EPS8: variants seen among roughly 807,000 people sequenced by gnomAD.
The protein encoded by EPS8 is EGFR pathway substrate 8, signaling adaptor.
A neutral mutation model predicts 103.8 loss-of-function variants in EPS8; 42 were observed. The observed-to-expected ratio is 0.40, with a 90% CI of 0.32 to 0.52. The LOEUF (loss-of-function observed/expected upper bound fraction) is 0.52. Among genes scored for constraint, EPS8 ranks in the 20% least tolerant of loss-of-function variants. The pLI is 0.40. For missense variants in EPS8, 969 were observed against 1,005.1 expected, an observed-to-expected ratio of 0.96 and a Z score of 0.49; for synonymous variants, 344 against 344.6, an observed-to-expected ratio of 1.00 and a Z score of 0.02.
chr12:15,666,992 C>G (rs936887211), intron 6 of EPS8, among the ~76,000 whole-genome samples: 4 of 152,112 alleles, frequency 2.6e-5, no homozygotes, highest in Admixed American at 2.0e-4. Context: ...TAGGTTTTAC[C>G]CCTTTGGGTA....
At chr12:15,676,170 G>A (rs1269572847) in intron 3 of EPS8, among the ~76,000 whole-genome samples, 1 of 150,992 alleles carries the variant, frequency 6.6e-6, no homozygotes, top group Non-Finnish European at 1.5e-5. Flanking sequence ...CTACTCAGGA[G>A]GCTGAGACAG....
At position 15,697,675 on chromosome 12, in the gene EPS8, A is replaced by C. The variant is rs1946260877; in HGVS notation, c.-21-14703T>G. 1.3e-5 allele frequency among the ~76,000 whole-genome samples: 2 copies of C among 152,222 alleles called. No individual in the cohort carries two copies. Among genetic ancestry groups the C allele is most frequent in the Non-Finnish European group, 2.9e-5 (2 of 68,030 alleles). ...AAATCACATGCTCACATGACCTCTA[A>C]AAAGAACTACATGGATTTTTTTCTT... On this transcript the variant is annotated intron_variant, in intron 1 of 20. Transcript: ENST00000281172. This position sits in a 1 kb window ranked among gnomAD's most constrained non-coding sequence, Gnocchi z 5.6.
At position 15,749,666 on chromosome 12, in the gene EPS8, C is replaced by A. The variant is rs1255234253; in HGVS notation, c.-22+39495G>T. Among the ~76,000 whole-genome samples, 1 of 152,082 alleles carries A rather than the reference C, an allele frequency of 6.6e-6. No individual in the cohort carries two copies. Among genetic ancestry groups the A allele is most frequent in the African/African-American group, 2.4e-5 (1 of 41,404 alleles). ...GGTAGTGGTAGGAAGAAAAATTAAC[C>A]TAATCAAAACAACATATATCATATT... On this transcript the variant is annotated intron_variant, in intron 1 of 20. Transcript: ENST00000281172. This position sits in a 1 kb window ranked among gnomAD's most constrained non-coding sequence, Gnocchi z 4.0.
At chr12:15,670,798 C>A (rs1232540649) in intron 4 of EPS8, 58 bp downstream of exon 4, 2 of 1,178,656 alleles carry the variant, frequency 1.7e-6, no homozygotes, top group Admixed American at 2.1e-5. Context: ...ATTTAACTTC[C>A]AATTTTTATG....
At chr12:15,788,250 T>C (rs917049096) in intron 1 of EPS8, among the ~76,000 whole-genome samples, 3 of 152,162 alleles carry the variant, frequency 2.0e-5, no homozygotes, top group Admixed American at 1.3e-4. Flanking sequence ...CAAGAAACCT[T>C]GAAAAGAGAA....
chr12:15,622,594 G>A (rs1229720515), intron 20 of EPS8, among the ~76,000 whole-genome samples: 1 of 152,092 alleles, frequency 6.6e-6, no homozygotes, highest in African/African-American at 2.4e-5. Flanking sequence ...GGAAGCTTAA[G>A]TATAAAGCAA....
At position 15,695,193 on chromosome 12, in the gene EPS8, T is replaced by C. The variant is rs1389812609; in HGVS notation, c.-21-12221A>G. On this transcript the variant is annotated intron_variant, in intron 1 of 20. Transcript: ENST00000281172. This position sits in a 1 kb window ranked among gnomAD's most constrained non-coding sequence, Gnocchi z 5.0. ...TTATATACTTTCCTTTTACTAATGA[T>C]AAATCCAGTATTTTGAAGTTGGCTG... Among the ~76,000 whole-genome samples, 1 of 152,244 alleles carries C rather than the reference T, an allele frequency of 6.6e-6. No individual in the cohort carries two copies. Among genetic ancestry groups the C allele is most frequent in the African/African-American group, 2.4e-5 (1 of 41,476 alleles).
rs1947321048 is a variant in EPS8 at position 15,787,282 on chromosome 12, T to C, written c.-22+1879A>G. Reference sequence around the variant, plus strand: ...AAAATAACTAGGATTTGGAATGTAATAAACACAAAGTAGAGAGTAGCAAGC... The same window carrying C: ...AAAATAACTAGGATTTGGAATGTAACAAACACAAAGTAGAGAGTAGCAAGC... On this transcript the variant is annotated intron_variant, in intron 1 of 20. Transcript: ENST00000281172. The surrounding 1 kb of genome is among the most constrained non-coding windows in gnomAD (Gnocchi z 4.9). Among the ~76,000 whole-genome samples, 1 of 152,018 alleles carries C rather than the reference T, an allele frequency of 6.6e-6. No homozygotes were observed. The highest frequency in any genetic ancestry group is 1.5e-5 in the Non-Finnish European group (1 of 67,964).
At position 15,624,223 on chromosome 12, in the gene EPS8, T is replaced by A; in HGVS notation, c.2225+4A>T. 1 of 1,611,866 alleles carries A rather than the reference T, an allele frequency of 6.2e-7. No individual in the cohort carries two copies. The highest frequency in any genetic ancestry group is 8.5e-7 in the Non-Finnish European group (1 of 1,178,768). ...AATTGCAAAGTATTCACAGAGAGAC[T>A]CACACAGGGTTGAATCCCTTTGACT... On this transcript the variant is annotated splice_donor_region_variant and intron_variant, in intron 19 of 20. Coordinates refer to ENST00000281172, the MANE Select transcript of EPS8 (RefSeq NM_004447.6).
rs916425701 is a variant in EPS8, at chr12:15,777,831, G to C, written c.-22+11330C>G. Among the ~76,000 whole-genome samples the C allele has an allele frequency of 6.6e-6, 1 of 152,198 alleles. No homozygotes were observed. Among genetic ancestry groups the C allele is most frequent in the East Asian group, 1.9e-4 (1 of 5,204 alleles). On this transcript the variant is annotated intron_variant, in intron 1 of 20. Transcript: ENST00000281172. The surrounding 1 kb of genome is among the most constrained non-coding windows in gnomAD (Gnocchi z 4.7). ...CCACATGGTTATTTATCTGCTTCAA[G>C]AGTTGTAAAAGACTATTTTCTTGAC... is the stretch of plus-strand genomic sequence containing the variant.
At position 15,713,650 on chromosome 12, in the gene EPS8, T is replaced by C. The variant is rs745490619; in HGVS notation, c.-21-30678A>G. On this transcript the variant is annotated intron_variant, in intron 1 of 20. Transcript: ENST00000281172. This position sits in a 1 kb window ranked among gnomAD's most constrained non-coding sequence, Gnocchi z 4.8. ...AACTCTAAAGCAGTCCTGATACTTA[T>C]GCAGGGACAGAAGGGGAGGCCCTGG... Among the ~76,000 whole-genome samples the C allele has an allele frequency of 5.3e-5, 8 of 152,198 alleles. No homozygotes were observed. Among genetic ancestry groups the C allele is most frequent in the Non-Finnish European group, 8.8e-5 (6 of 68,040 alleles).
At chr12:15,633,019 G>C (rs1172790306) in intron 17 of EPS8, among the ~76,000 whole-genome samples, 1 of 152,100 alleles carries the variant, frequency 6.6e-6, no homozygotes, top group Admixed American at 6.6e-5. Context: ...GGAAGAAGGA[G>C]GGCAAGGAGG....
Position 15,759,800 on chromosome 12 carries a change from A to G in EPS8, c.-22+29361T>C, listed in dbSNP as rs1156612669. On this transcript the variant is annotated intron_variant, in intron 1 of 20. Coordinates refer to ENST00000281172, the MANE Select transcript of EPS8 (RefSeq NM_004447.6). This position sits in a 1 kb window ranked among gnomAD's most constrained non-coding sequence, Gnocchi z 4.9. The stretch of plus-strand genomic sequence containing the variant: ...ATGGAAACACAACATACCAAAACCT[A>G]TGTGAAACAGCAAAAGCAGTACTAA... 1.3e-5 allele frequency among the ~76,000 whole-genome samples: 2 copies of G among 152,050 alleles called. No homozygotes were observed. Among genetic ancestry groups the G allele is most frequent in the Non-Finnish European group, 2.9e-5 (2 of 67,938 alleles).
intron 16 of EPS8, 133 bp from the exon 17 acceptor site, chr12:15,640,979 A>G: frequency 1.4e-6 from 1 of 709,734 alleles, no homozygotes; most frequent in Non-Finnish European, 2.4e-6. Flanking sequence ...TGTTGATTGA[A>G]TGATTCTCAG....
chr12:15,712,344 A>G (rs1051092522), intron 1 of EPS8, among the ~76,000 whole-genome samples: 2 of 152,204 alleles, frequency 1.3e-5, no homozygotes, highest in African/African-American at 2.4e-5. Flanking sequence ...CTCAAAGCCA[A>G]GAACAACCTA....
chr12:15,774,613 A>G (rs186392534), intron 1 of EPS8, among the ~76,000 whole-genome samples: 7 of 147,836 alleles, frequency 4.7e-5, no homozygotes, highest in African/African-American at 1.5e-4. Flanking sequence ...TAAAATATAT[A>G]TACATATATA....
intron 14 of EPS8, among the ~76,000 whole-genome samples, chr12:15,648,034 C>T (rs1029447573): frequency 7.9e-5 from 12 of 152,204 alleles, no homozygotes; most frequent in African/African-American, 2.9e-4. Flanking sequence ...CATTCTTCCT[C>T]CTAATAGAAT....
intron 15 of EPS8, among the ~76,000 whole-genome samples, chr12:15,645,834 TA>T (rs1945310687): frequency 6.6e-6 from 1 of 152,222 alleles, no homozygotes; most frequent in Non-Finnish European, 1.5e-5. Context: ...TGGAACCTGA[TA>T]AAAGTTTTCT....
rs1819329568 is a variant in EPS8, at chr12:15,642,166, G to C, written c.1569-336C>G. On this transcript the variant is annotated intron_variant, in intron 15 of 20. Coordinates refer to ENST00000281172, the MANE Select transcript of EPS8 (RefSeq NM_004447.6). ...TACCATCTCTACCATAAAAGAACTA[G>C]ATAAAGATAAATGTTAGTATTTTTC... Among the ~76,000 whole-genome samples, 4 of 151,948 alleles carry C rather than the reference G, an allele frequency of 2.6e-5. No individual in the cohort carries two copies. The South Asian group carries it at 8.3e-4, about 31-fold the overall frequency.
Sources: gnomAD v4.1 joint callset for allele counts (sites outside exome capture counted in the v4.1 genomes callset) on GRCh38, gnomAD v4.1.1 for gene constraint, Gnocchi (gnomAD v3.1) non-coding constraint, MANE v1.5 for transcripts, NCBI Gene and HGNC (gene_info 2026-07-23, HGNC 2026-07-21) for gene names.